Variants in NUF2 observed in about 807,000 individuals in gnomAD.
NUF2 encodes the protein kinetochore protein Nuf2.
NUF2 carries 34 observed loss-of-function variants against 61.8 expected under a neutral mutation model. The observed-to-expected ratio is 0.55, with a 90% CI of 0.42 to 0.73. The LOEUF (loss-of-function observed/expected upper bound fraction) is 0.73, where lower values mean the gene tolerates loss of function less well. Ranked by LOEUF, NUF2 falls within the 30% of genes least tolerant of loss-of-function variation. The pLI is 0.00. For synonymous variants in NUF2, 172 were observed against 181.6 expected (o/e 0.95, Z 0.42); for missense variants, 445 against 539.1 (o/e 0.83, Z 1.73).
chr1:163,338,237 T>TCAA, intron 7 of NUF2, 144 bp downstream of exon 7: 1 of 371,394 alleles, frequency 2.7e-6, no homozygotes, highest in Non-Finnish European at 4.9e-6. Context: ...TGCCTTTTCT[T>TCAA]AAAAAAAAAA....
chr1:163,331,765 T>C (rs1286238422), intron 5 of NUF2, among the ~76,000 whole-genome samples: 1 of 152,016 alleles, frequency 6.6e-6, no homozygotes, highest in Non-Finnish European at 1.5e-5. Context: ...GGTTGGCAAA[T>C]TTGTTAACAT....
intron 9 of NUF2, among the ~76,000 whole-genome samples, chr1:163,340,945 T>C (rs564561623): frequency 6.6e-6 from 1 of 152,350 alleles, no homozygotes; most frequent in Non-Finnish European, 1.5e-5. Context: ...TGCATACATA[T>C]GTACATACAT....
At chr1:163,326,309 C>G (rs796258036) in intron 2 of NUF2, 135 bp downstream of exon 2, 1 of 684,400 alleles carries the variant, frequency 1.5e-6, no homozygotes, top group Non-Finnish European at 2.3e-6. Context: ...GAGAGAATCT[C>G]TCACCTAGCA....
intron 3 of NUF2, 44 bp downstream of exon 3, chr1:163,327,606 T>C: frequency 1.6e-6 from 2 of 1,223,524 alleles, no homozygotes; most frequent in Non-Finnish European, 2.4e-6. Context: ...TTTTTGTTTG[T>C]TTGTTTGTTT....
rs1571401932 is a variant in NUF2 at position 163,351,732 on chromosome 1, T to C, written c.1260+2652T>C. ...CAAATGGGAAGGTCTCTAAATACTT[T>C]GGTAAAATCAAATACTTTTTGTCAA... On this transcript the variant is annotated intron_variant, in intron 13 of 13. Transcript: ENST00000271452. Among the ~76,000 whole-genome samples the C allele has an allele frequency of 5.3e-5, 8 of 152,340 alleles. No homozygotes were observed. The South Asian group carries it at 1.5e-3, about 28-fold the overall frequency.
At chr1:163,347,071 C>T (rs949332522) in intron 11 of NUF2, among the ~76,000 whole-genome samples, 21 of 152,170 alleles carry the variant, frequency 1.4e-4, no homozygotes, top group Admixed American at 7.9e-4. Context: ...TAAATTTGTT[C>T]TACCAGTTGG....
intron 13 of NUF2, among the ~76,000 whole-genome samples, chr1:163,350,960 G>T (rs930930676): frequency 6.6e-6 from 1 of 152,204 alleles, no homozygotes. Context: ...AGTCAGCCCA[G>T]ATCTTCTCTG....
intron 9 of NUF2, among the ~76,000 whole-genome samples, chr1:163,342,597 A>G (rs17358802): frequency 0.3 from 45,346 of 152,004 alleles, 6,949 homozygotes; most frequent in Middle Eastern, 0.44. Flanking sequence ...ATTTAGACAA[A>G]TTACACAACA....
At position 163,349,055 on chromosome 1, in the gene NUF2, C is replaced by A; in HGVS notation, c.1235C>A (p.Ala412Asp). ...GGAATTCAACAACTAAAAGATGCTG[C>A]TGAAAGGGAGAAACTGAAGTCCCAG... ...KLGIQQLKDA[A>D]EREKLKSQEI... The change falls in exon 13 of 14, where the codon GCT becomes GAT. Residue 412 changes from alanine (A) to aspartate (D), a missense_variant. Physicochemically the swap from Ala to Asp is moderately radical, Grantham distance 126. Coordinates refer to ENST00000271452, the MANE Select transcript of NUF2 (RefSeq NM_145697.3). 1 of 1,608,592 alleles carries A rather than the reference C, an allele frequency of 6.2e-7. No individual in the cohort carries two copies. Among genetic ancestry groups the A allele is most frequent in the Non-Finnish European group, 8.5e-7 (1 of 1,178,654 alleles).
intron 2 of NUF2, among the ~76,000 whole-genome samples, chr1:163,327,210 C>T (rs1055654659): frequency 2.0e-5 from 3 of 151,660 alleles, no homozygotes; most frequent in Non-Finnish European, 4.4e-5. Flanking sequence ...TCTTCTTCTT[C>T]TATTTCCTAA....
At chr1:163,337,239 T>C (rs2101677398) in intron 6 of NUF2, among the ~76,000 whole-genome samples, 1 of 152,246 alleles carries the variant, frequency 6.6e-6, no homozygotes, top group East Asian at 1.9e-4. Context: ...AATAATGGCA[T>C]AATTGGACTG....
Position 163,351,274 on chromosome 1 carries a change from C to T in NUF2, c.1260+2194C>T, listed in dbSNP as rs80326783. On this transcript the variant is annotated intron_variant, in intron 13 of 13. Transcript: ENST00000271452. ...TAATATTGGGGTAGATTTTTAGCAGCAGCATCTTGCCCTTGACTTATATTG... is the reference window on the plus strand; with the variant it reads ...TAATATTGGGGTAGATTTTTAGCAGTAGCATCTTGCCCTTGACTTATATTG... Among the ~76,000 whole-genome samples, 162 of 152,296 alleles carry T rather than the reference C, an allele frequency of 1.1e-3. 1 individual carries two copies. The highest frequency in any genetic ancestry group is 3.7e-3 in the African/African-American group (152 of 41,562).
Position 163,328,316 on chromosome 1 carries a change from G to T in NUF2, c.275+12G>T. On this transcript the variant is annotated intron_variant, in intron 4 of 13. Coordinates refer to ENST00000271452, the MANE Select transcript of NUF2 (RefSeq NM_145697.3). ...TTAGTTACTCATCTGTGAGTAAAGA[G>T]TGATTTTATTGTCTTCGTCTACATT... The T allele has an allele frequency of 6.6e-7, 1 of 1,522,724 alleles. No homozygotes were observed. The allele number at this position is 1,522,724 out of a possible 1,614,324, so 94.3% of individuals were successfully genotyped here.
chr1:163,340,387 CCA>C lies in NUF2; in HGVS notation c.631_632del (p.Gln211LysfsTer14), dbSNP rs751367041. ...AGATAGTGCTGCAAGAGGGAAATTC[CCA>C]AAAGAAGTCAAATATTTCAGAGAAA... ...KTIVLQEGNSQKKSNISEKTK... is the reference protein window; with the variant it reads ...KTIVLQEGNSXKKSNISEKTK... On this transcript the variant is annotated frameshift_variant, in exon 9 of 14. Transcript: ENST00000271452. LOFTEE classifies it high-confidence loss of function. 5.6e-6 allele frequency: 9 copies of C among 1,610,990 alleles called. No homozygotes were observed. The highest frequency in any genetic ancestry group is 7.6e-6 in the Non-Finnish European group (9 of 1,178,610).
At chr1:163,343,024 A>T (rs1650997305) in intron 9 of NUF2, among the ~76,000 whole-genome samples, 1 of 152,008 alleles carries the variant, frequency 6.6e-6, no homozygotes, top group African/African-American at 2.4e-5. Context: ...ATTCATAGGA[A>T]TTTTTTTTGA....
chr1:163,323,878 A>G (rs1263480471), intron 1 of NUF2, among the ~76,000 whole-genome samples: 4 of 151,832 alleles, frequency 2.6e-5, no homozygotes, highest in Non-Finnish European at 5.9e-5. Context: ...AAAAAAAAAG[A>G]GAGGGAAAGG....
intron 5 of NUF2, among the ~76,000 whole-genome samples, chr1:163,330,768 C>T (rs1249388452): frequency 6.6e-6 from 1 of 152,000 alleles, no homozygotes; most frequent in African/African-American, 2.4e-5. Context: ...TTTCAGAGTG[C>T]AGACCTTGTA....
chr1:163,334,795 A>G (rs960436618), intron 5 of NUF2, among the ~76,000 whole-genome samples: 4 of 152,158 alleles, frequency 2.6e-5, no homozygotes, highest in African/African-American at 9.7e-5. Context: ...GAAGGAAAGA[A>G]AGAAAAATGG....
chr1:163,329,077 T>G (rs1650520611), intron 5 of NUF2, among the ~76,000 whole-genome samples, 170 bp downstream of exon 5: 1 of 152,012 alleles, frequency 6.6e-6, no homozygotes, highest in Non-Finnish European at 1.5e-5. Context: ...GTTGAATTTC[T>G]TTTTTTCCTT....
Sources: allele counts gnomAD v4.1 joint callset (sites outside exome capture counted in the v4.1 genomes callset), GRCh38; gene constraint gnomAD v4.1.1; transcripts MANE v1.5; gene names NCBI Gene and HGNC (gene_info 2026-07-23, HGNC 2026-07-21).